DNAAF9: variants seen among roughly 807,000 people sequenced by gnomAD.
DNAAF9 encodes the protein dynein axonemal assembly factor 9, also known as shulin.
In DNAAF9, 90 loss-of-function variants were observed where a neutral mutation model predicts 167.0. The observed-to-expected ratio is 0.54, with a 90% CI of 0.45 to 0.64. DNAAF9 has a LOEUF of 0.64. Ranked by LOEUF, DNAAF9 falls within the 30% of genes least tolerant of loss-of-function variation. The probability of loss-of-function intolerance (pLI) is 0.00; values close to 1 mark genes in which losing one functional copy is unlikely to be tolerated. For missense variants in DNAAF9, 1,315 were observed against 1,442.2 expected, an observed-to-expected ratio of 0.91 and a Z score of 1.43; for synonymous variants, 491 against 508.8, an observed-to-expected ratio of 0.96 and a Z score of 0.47.
At chr20:3,307,984 A>AAC (rs2069332324) in intron 20 of DNAAF9, among the ~76,000 whole-genome samples, 1 of 151,258 alleles carries the variant, frequency 6.6e-6, no homozygotes, top group African/African-American at 2.4e-5. Context: ...AAAAAAAAAA[A>AAC]AAAACTAAAG....
chr20:3,255,865 C>A, intron 34 of DNAAF9, 141 bp downstream of exon 34: 1 of 647,938 alleles, frequency 1.5e-6, no homozygotes, highest in Non-Finnish European at 2.7e-6. Context: ...CAAAGTGTCC[C>A]TGCAAGTGCT....
chr20:3,359,900 A>T (rs1286198111), intron 6 of DNAAF9: 1 of 196,476 alleles, frequency 5.1e-6, no homozygotes, highest in East Asian at 1.3e-4. Context: ...TTTAAATAAA[A>T]TTTTAATCAA....
intron 16 of DNAAF9, among the ~76,000 whole-genome samples, chr20:3,319,536 T>C (rs959416112): frequency 2.6e-5 from 4 of 152,132 alleles, no homozygotes; most frequent in African/African-American, 7.2e-5. Context: ...ATGGGATAAG[T>C]AGCACAAGGA....
rs115529139 is a variant in DNAAF9, at chr20:3,324,211, G to A, written c.1265+681C>T. Among the ~76,000 whole-genome samples the A allele has an allele frequency of 2.8e-3, 420 of 152,194 alleles. 1 individual carries two copies. Among genetic ancestry groups the A allele is most frequent in the African/African-American group, 9.5e-3 (395 of 41,498 alleles). On this transcript the variant is annotated intron_variant, in intron 14 of 36. Transcript: ENST00000252032. The stretch of plus-strand genomic sequence containing the variant: ...TTCAAATACTCTCTCTTATTACACA[G>A]GACTATAGATTTAAGAAAATGTGGG...
rs146312474 is a variant in DNAAF9, at chr20:3,315,934, C to G, written c.1540-149G>C. 29 of 686,210 alleles carry G rather than the reference C, an allele frequency of 4.2e-5. No individual in the cohort carries two copies. The highest frequency in any genetic ancestry group is 4.1e-4 in the African/African-American group (23 of 56,412). 42.5% of individuals were successfully genotyped at this position (686,210 alleles called of 1,614,324 possible). A position where few individuals can be genotyped will look rare whatever the true frequency, so the allele number is the denominator to read the frequency against. ...CCAGTGCTCTCAGGCCCTGACACAC[C>G]TGAGATGTCTGCTGGTCACCTGGGC... On this transcript the variant is annotated intron_variant, in intron 18 of 36. Transcript: ENST00000252032. This position sits in a 1 kb window ranked among gnomAD's most constrained non-coding sequence, Gnocchi z 4.1.
intron 25 of DNAAF9, among the ~76,000 whole-genome samples, chr20:3,291,345 G>GTT (rs1330690178): frequency 3.9e-4 from 52 of 133,566 alleles, no homozygotes; most frequent in Non-Finnish European, 4.9e-4. Flanking sequence ...AAGTTTTTTT[G>GTT]TTTTTTTTTT....
At chr20:3,406,539 G>A (rs1254508430) in intron 1 of DNAAF9, among the ~76,000 whole-genome samples, 1 of 151,894 alleles carries the variant, frequency 6.6e-6, no homozygotes, top group Non-Finnish European at 1.5e-5. Flanking sequence ...CTGCGCCGGC[G>A]CCCCACACCA....
intron 16 of DNAAF9, among the ~76,000 whole-genome samples, chr20:3,320,783 G>A (rs1435391128): frequency 6.6e-6 from 1 of 152,194 alleles, no homozygotes; most frequent in East Asian, 1.9e-4. Context: ...CTTTTCCACA[G>A]GTGATGGTGA....
At chr20:3,269,147 T>G (rs905786095) in intron 30 of DNAAF9, among the ~76,000 whole-genome samples, 4 of 151,840 alleles carry the variant, frequency 2.6e-5, no homozygotes, top group Non-Finnish European at 5.9e-5. Context: ...GACCTTGTGA[T>G]CCGCCTGCCT....
chr20:3,366,889 C>T (rs970071948), intron 6 of DNAAF9, among the ~76,000 whole-genome samples: 3 of 150,258 alleles, frequency 2.0e-5, no homozygotes, highest in Non-Finnish European at 3.0e-5. Context: ...CACACCACTG[C>T]ACTCCAGCCT....
intron 25 of DNAAF9, among the ~76,000 whole-genome samples, chr20:3,291,173 C>T (rs1197585426): frequency 6.6e-6 from 1 of 152,158 alleles, no homozygotes; most frequent in African/African-American, 2.4e-5. Context: ...CTGTCCTAAC[C>T]TTATTATACA....
intron 6 of DNAAF9, among the ~76,000 whole-genome samples, chr20:3,360,642 T>C (rs2083349888): frequency 6.6e-6 from 1 of 152,186 alleles, no homozygotes; most frequent in African/African-American, 2.4e-5. Context: ...GGGTTCTTTC[T>C]TAATCCCTGC....
intron 1 of DNAAF9, among the ~76,000 whole-genome samples, chr20:3,387,063 T>C (rs1049380034): frequency 2.0e-5 from 3 of 152,188 alleles, no homozygotes; most frequent in African/African-American, 4.8e-5. Context: ...TGGTAGACAA[T>C]ATCGTTAAGC....
At chr20:3,312,557 G>A (rs1027855308) in intron 20 of DNAAF9, among the ~76,000 whole-genome samples, 1 of 152,134 alleles carries the variant, frequency 6.6e-6, no homozygotes, top group South Asian at 2.1e-4. Flanking sequence ...ACCTTCAGGG[G>A]ATGGGAACAG....
At chr20:3,255,576 G>A (rs2068265535) in intron 34 of DNAAF9, among the ~76,000 whole-genome samples, 1 of 152,114 alleles carries the variant, frequency 6.6e-6, no homozygotes, top group South Asian at 2.1e-4. Context: ...ACCAATGAGA[G>A]GCAGACAAAG....
At chr20:3,256,796 G>T (rs1001330306) in intron 33 of DNAAF9, among the ~76,000 whole-genome samples, 6 of 152,214 alleles carry the variant, frequency 3.9e-5, no homozygotes, top group East Asian at 1.9e-4. Flanking sequence ...GAAAAGCAAA[G>T]AAACCCCCTT....
At chr20:3,331,158 G>C (rs1381805584) in intron 11 of DNAAF9, among the ~76,000 whole-genome samples, 1 of 152,126 alleles carries the variant, frequency 6.6e-6, no homozygotes, top group South Asian at 2.1e-4. Context: ...ATTCCCAATA[G>C]CCTCCTGAAC....
At chr20:3,297,228 G>A (rs953368163) in intron 22 of DNAAF9, among the ~76,000 whole-genome samples, 2 of 152,160 alleles carry the variant, frequency 1.3e-5, no homozygotes, top group Non-Finnish European at 2.9e-5. Context: ...AGCAGCAGAC[G>A]CATGTTCTCC....
At chr20:3,316,108 A>T in intron 18 of DNAAF9, 2 of 392,338 alleles carry the variant, frequency 5.1e-6, no homozygotes, top group Non-Finnish European at 9.2e-6. Context: ...AAGATAATGT[A>T]TTAAAATATT....
Sources: allele counts gnomAD v4.1 joint callset (sites outside exome capture counted in the v4.1 genomes callset), GRCh38; gene constraint gnomAD v4.1.1; non-coding constraint Gnocchi (gnomAD v3.1); transcripts MANE v1.5; gene names NCBI Gene and HGNC (gene_info 2026-07-23, HGNC 2026-07-21).